AGBL1: variants seen among roughly 807,000 people sequenced by gnomAD.
The protein encoded by AGBL1 is cytosolic carboxypeptidase 4.
AGBL1 carries 130 observed loss-of-function variants against 118.9 expected under a neutral mutation model. The ratio of observed to expected loss-of-function variants is 1.09; its 90% confidence interval spans 0.95 to 1.26. The LOEUF (loss-of-function observed/expected upper bound fraction) is 1.26, where lower values mean the gene tolerates loss of function less well. Ranked by LOEUF, AGBL1 falls within the 50% of genes most tolerant of loss-of-function variation. AGBL1 has a pLI of 0.00. For synonymous variants in AGBL1, 555 were observed against 478.9 expected, an observed-to-expected ratio of 1.16 and a Z score of -2.08; for missense variants, 1,584 against 1,298.1, an observed-to-expected ratio of 1.22 and a Z score of -3.38.
At chr15:86,932,340 G>GTGGA (rs1356906061) in intron 23 of AGBL1, among the ~76,000 whole-genome samples, 1 of 152,216 alleles carries the variant, frequency 6.6e-6, no homozygotes, top group African/African-American at 2.4e-5. Flanking sequence ...ACATTTAAAA[G>GTGGA]TGGAGAAGGG....
In AGBL1 at chr15:86,270,083, G is replaced by A. The variant is rs779064062; in HGVS notation, c.1987+16G>A. On this transcript the variant is annotated intron_variant, in intron 14 of 22. Coordinates refer to ENST00000614907, the MANE Select transcript of AGBL1 (RefSeq NM_001386094.1). ...TTTAATTATGGTATGAACGCTTGGG[G>A]AGCAGGGGCTTTCTGGAACATGCCA... is the stretch of plus-strand genomic sequence containing the variant. The A allele has an allele frequency of 6.2e-7, 1 of 1,603,182 alleles. No individual in the cohort carries two copies. The highest frequency in any genetic ancestry group is 8.5e-7 in the Non-Finnish European group (1 of 1,174,718).
chr15:87,011,052 TTC>T (rs1392549127), intron 24 of AGBL1, among the ~76,000 whole-genome samples: 1 of 152,244 alleles, frequency 6.6e-6, no homozygotes, highest in Non-Finnish European at 1.5e-5. Flanking sequence ...TTTTGTGAAC[TTC>T]TCTCATATAT....
intron 24 of AGBL1, among the ~76,000 whole-genome samples, chr15:86,992,789 G>T (rs779150034): frequency 1.3e-5 from 2 of 151,240 alleles, no homozygotes; most frequent in African/African-American, 4.9e-5. Flanking sequence ...ATGCCTAAAC[G>T]GCTAAATATT....
intron 21 of AGBL1, among the ~76,000 whole-genome samples, chr15:86,654,033 T>C (rs745999355): frequency 1.3e-5 from 2 of 152,186 alleles, no homozygotes; most frequent in South Asian, 2.1e-4. Flanking sequence ...AGTTAGAATG[T>C]TCTTTCTTCA....
At chr15:86,178,850 G>C (rs1415508893) in intron 5 of AGBL1, among the ~76,000 whole-genome samples, 1 of 152,114 alleles carries the variant, frequency 6.6e-6, no homozygotes, top group Non-Finnish European at 1.5e-5. Context: ...TTCAGCCATA[G>C]AAAGGAATGA....
intron 1 of AGBL1, among the ~76,000 whole-genome samples, chr15:86,133,552 C>T (rs935681679): frequency 1.3e-5 from 2 of 152,310 alleles, no homozygotes; most frequent in African/African-American, 2.4e-5. Flanking sequence ...TCTATGTATT[C>T]GTAGCACCTA....
chr15:86,117,179 C>A (rs1206173942), intron 1 of AGBL1, among the ~76,000 whole-genome samples: 1 of 152,028 alleles, frequency 6.6e-6, no homozygotes. Context: ...TCTGGTTTCC[C>A]TCCATCCTGA....
intron 22 of AGBL1, among the ~76,000 whole-genome samples, chr15:86,801,310 C>CATCTATATCTATCT (rs1555451585): frequency 1.3e-3 from 196 of 147,314 alleles, no homozygotes; most frequent in Middle Eastern, 3.5e-3. Context: ...TTGATGATTA[C>CATCTATATCTATCT]ATCTATCTAT....
At chr15:86,250,174 C>T (rs1433423330) in intron 7 of AGBL1, among the ~76,000 whole-genome samples, 1 of 152,020 alleles carries the variant, frequency 6.6e-6, no homozygotes, top group Non-Finnish European at 1.5e-5. Flanking sequence ...TGGGTGTCAA[C>T]CTCAAGAGGT....
At chr15:86,149,882 G>A (rs964008616) in intron 3 of AGBL1, among the ~76,000 whole-genome samples, 8 of 152,246 alleles carry the variant, frequency 5.3e-5, no homozygotes, top group Admixed American at 4.6e-4. Flanking sequence ...TGGAAGTAAA[G>A]CACTCCTCAG....
chr15:86,787,074 T>C (rs899487654), intron 22 of AGBL1, among the ~76,000 whole-genome samples: 1 of 152,230 alleles, frequency 6.6e-6, no homozygotes, highest in African/African-American at 2.4e-5. Context: ...ACTGATTCTT[T>C]TGTACTAATC....
chr15:86,443,622 C>A (rs960877957), intron 18 of AGBL1, among the ~76,000 whole-genome samples: 2 of 152,168 alleles, frequency 1.3e-5, no homozygotes, highest in Non-Finnish European at 2.9e-5. Flanking sequence ...CCCTTCCCAG[C>A]CTCCGGTAAC....
intron 6 of AGBL1, among the ~76,000 whole-genome samples, chr15:86,238,232 G>C (rs1260271629): frequency 2.0e-5 from 3 of 152,194 alleles, no homozygotes; most frequent in Admixed American, 6.5e-5. Context: ...TGCCACTCCT[G>C]TGGGACTGCA....
chr15:86,584,637 T>C (rs1222190250), intron 21 of AGBL1, among the ~76,000 whole-genome samples: 1 of 152,214 alleles, frequency 6.6e-6, no homozygotes, highest in East Asian at 1.9e-4. Context: ...TTTGTTCTTC[T>C]TGCTTAGGAT....
At chr15:86,656,141 T>C (rs1214695298) in intron 21 of AGBL1, among the ~76,000 whole-genome samples, 2 of 152,194 alleles carry the variant, frequency 1.3e-5, no homozygotes, top group South Asian at 2.1e-4. Context: ...TTTGGACATA[T>C]TTCTACTGGC....
At chr15:86,318,200 A>T (rs1429686882) in intron 17 of AGBL1, among the ~76,000 whole-genome samples, 1 of 152,254 alleles carries the variant, frequency 6.6e-6, no homozygotes, top group Non-Finnish European at 1.5e-5. Flanking sequence ...TTTTAAAATC[A>T]TGAGTCATAT....
intron 18 of AGBL1, among the ~76,000 whole-genome samples, chr15:86,493,377 T>C (rs374197399): frequency 4.6e-5 from 7 of 152,060 alleles, no homozygotes; most frequent in East Asian, 1.9e-4. Context: ...TGGAGGAGTA[T>C]TTCGGAGGAA....
chr15:86,243,145 T>C (rs572730861), intron 6 of AGBL1, among the ~76,000 whole-genome samples: 1 of 150,414 alleles, frequency 6.6e-6, no homozygotes, highest in East Asian at 1.9e-4. Context: ...AAAGGATACA[T>C]TTTTTTTTCC....
chr15:86,298,267 A>AC lies in AGBL1; in HGVS notation c.2374+2859_2374+2860insC, dbSNP rs1472411749. Among the ~76,000 whole-genome samples, 139 of 115,292 alleles carry AC rather than the reference A, an allele frequency of 1.2e-3. 1 individual carries two copies. Among genetic ancestry groups the AC allele is most frequent in the African/African-American group, 5.2e-3 (127 of 24,648 alleles). 75.6% of individuals were successfully genotyped at this position (115,292 alleles called of 152,430 possible). A position where few individuals can be genotyped will look rare whatever the true frequency, so the allele number is the denominator to read the frequency against. ...GTATAATATATATATATATATATAT[A>AC]TATATATATATATGGTAACTATATA... On this transcript the variant is annotated intron_variant, in intron 17 of 22. Coordinates refer to ENST00000614907, the MANE Select transcript of AGBL1 (RefSeq NM_001386094.1).
Sources: gnomAD v4.1 joint callset for allele counts (sites outside exome capture counted in the v4.1 genomes callset) on GRCh38, gnomAD v4.1.1 for gene constraint, MANE v1.5 for transcripts, NCBI Gene and HGNC (gene_info 2026-07-23, HGNC 2026-07-21) for gene names.